Variants in NAV1 observed in about 807,000 individuals in gnomAD.
NAV1 encodes the protein pore membrane and/or filament interacting like protein 3.
In NAV1, 18 loss-of-function variants were observed where a neutral mutation model predicts 175.2. That is an observed-to-expected ratio of 0.10 (90% CI 0.07 to 0.15). NAV1 has a LOEUF of 0.15. NAV1 is among the 10% of genes least tolerant of loss of function. The pLI is 1.00. For synonymous variants in NAV1, 897 were observed against 978.7 expected (o/e 0.92, Z 1.56); for missense variants, 1,731 against 2,436.6 (o/e 0.71, Z 6.10).
chr1:201,730,395 C>T (rs77959784), intron 3 of NAV1, among the ~76,000 whole-genome samples: 1,687 of 152,294 alleles, frequency 0.011, 54 homozygotes, highest in East Asian at 0.11. Context: ...ATTCTGGGCA[C>T]GTTCCAGTGC....
intron 1 of NAV1, among the ~76,000 whole-genome samples, chr1:201,573,229 G>A (rs553797740): frequency 7.9e-5 from 12 of 152,356 alleles, no homozygotes; most frequent in African/African-American, 2.6e-4. Flanking sequence ...ATCAAGTCGA[G>A]GCAGGCCACA....
At chr1:201,611,711 C>T (rs188176440) in intron 2 of NAV1, among the ~76,000 whole-genome samples, 5 of 152,160 alleles carry the variant, frequency 3.3e-5, no homozygotes, top group South Asian at 2.1e-4. Context: ...GCCCAAGGTA[C>T]GGGTGTTGGG....
intron 2 of NAV1, among the ~76,000 whole-genome samples, chr1:201,609,039 C>T (rs1159484289): frequency 2.0e-5 from 3 of 152,194 alleles, no homozygotes; most frequent in Middle Eastern, 3.2e-3. Context: ...AATTGCTTGC[C>T]CCGCTTTTCA....
At chr1:201,689,379 A>T (rs946463055) in intron 1 of NAV1, among the ~76,000 whole-genome samples, 5 of 152,154 alleles carry the variant, frequency 3.3e-5, no homozygotes, top group African/African-American at 1.2e-4. Context: ...GGGACAGGAT[A>T]TATTCTCTCT....
intron 1 of NAV1, among the ~76,000 whole-genome samples, chr1:201,568,433 G>A (rs911093938): frequency 1.2e-4 from 19 of 152,152 alleles, no homozygotes; most frequent in Admixed American, 2.6e-4. Context: ...TTCTTGTTGG[G>A]TGCTGTATCT....
intron 3 of NAV1, among the ~76,000 whole-genome samples, chr1:201,756,846 TTCTTTC>T (rs1444887419): frequency 7.8e-6 from 1 of 129,010 alleles, no homozygotes; most frequent in African/African-American, 2.8e-5. Context: ...CTTTCTTTCT[TTCTTTC>T]TTTCTTTCTT....
chr1:201,662,159 C>T (rs1669637670), intron 1 of NAV1, among the ~76,000 whole-genome samples: 1 of 152,234 alleles, frequency 6.6e-6, no homozygotes, highest in Non-Finnish European at 1.5e-5. Context: ...CCACAGGCAT[C>T]GTAAGCCCTG....
At chr1:201,692,314 C>A (rs1670983057) in intron 1 of NAV1, among the ~76,000 whole-genome samples, 1 of 152,106 alleles carries the variant, frequency 6.6e-6, no homozygotes, top group Non-Finnish European at 1.5e-5. Context: ...GGCTTTGGGA[C>A]CTTTTTAGGA....
At chr1:201,785,698 G>A (rs1417457495) in intron 8 of NAV1, among the ~76,000 whole-genome samples, 2 of 151,646 alleles carry the variant, frequency 1.3e-5, no homozygotes, top group Non-Finnish European at 2.9e-5. Flanking sequence ...CTGCTTCTTT[G>A]GTCACTCAGC....
intron 3 of NAV1, among the ~76,000 whole-genome samples, chr1:201,736,157 C>T (rs754559623): frequency 1.3e-5 from 2 of 152,198 alleles, no homozygotes; most frequent in African/African-American, 2.4e-5. Context: ...GCTTTTCCAT[C>T]TGAGGAATGA....
intron 11 of NAV1, 88 bp from the exon 16 acceptor site, chr1:201,790,466 T>G: frequency 1.4e-6 from 2 of 1,467,946 alleles, no homozygotes; most frequent in Non-Finnish European, 1.9e-6. Flanking sequence ...TCACATTTCC[T>G]ACCCTGCCAC....
intron 11 of NAV1, 21 bp from the exon 16 acceptor site, chr1:201,790,533 C>T: frequency 6.2e-7 from 1 of 1,613,886 alleles, no homozygotes; most frequent in Non-Finnish European, 8.5e-7. Flanking sequence ...TCTTTCTCTC[C>T]TTCTGTGCTC....
intron 2 of NAV1, among the ~76,000 whole-genome samples, chr1:201,612,347 G>A (rs1026971980): frequency 6.6e-6 from 1 of 152,154 alleles, no homozygotes; most frequent in Non-Finnish European, 1.5e-5. Flanking sequence ...CCAGCTACTC[G>A]GCAGGCTGAA....
chr1:201,805,818 G>A (rs151113531), intron 17 of NAV1, among the ~76,000 whole-genome samples: 292 of 152,024 alleles, frequency 1.9e-3, no homozygotes, highest in African/African-American at 4.8e-3. Context: ...AGCTACTTGG[G>A]GGCTGAGGTG....
At chr1:201,622,748 G>C (rs545531907), upstream of NAV1, 15 of 852,630 alleles carry the variant, frequency 1.8e-5, no homozygotes, top group Non-Finnish European at 2.1e-5. Flanking sequence ...GCCCAGTCTG[G>C]GTGCTCGAGC....
chr1:201,739,969 G>T (rs1673298309), intron 3 of NAV1: 1 of 1,398,146 alleles, frequency 7.2e-7, no homozygotes, highest in East Asian at 3.0e-5. Context: ...AGGCGAGAGC[G>T]GTCCTGGGGG....
At chr1:201,775,713 G>A (rs1368656135) in intron 3 of NAV1, among the ~76,000 whole-genome samples, 1 of 152,194 alleles carries the variant, frequency 6.6e-6, no homozygotes, top group Non-Finnish European at 1.5e-5. Context: ...ATCCTTGAAA[G>A]AAAGAACAGT....
chr1:201,616,865 T>C (rs1388111866), intron 2 of NAV1, among the ~76,000 whole-genome samples: 1 of 152,156 alleles, frequency 6.6e-6, no homozygotes, highest in African/African-American at 2.4e-5. Flanking sequence ...CCCCACCAGA[T>C]TGCTAGCTCC....
chr1:201,815,544 C>G (rs566387527), intron 28 of NAV1, among the ~76,000 whole-genome samples: 6 of 152,100 alleles, frequency 3.9e-5, no homozygotes, highest in South Asian at 4.2e-4. Flanking sequence ...CTCAGAGCAG[C>G]AGAAAGTAGA....
Sources: gnomAD v4.1 joint callset for allele counts (sites outside exome capture counted in the v4.1 genomes callset) on GRCh38, gnomAD v4.1.1 for gene constraint, MANE v1.5 for transcripts, NCBI Gene and HGNC (gene_info 2026-07-23, HGNC 2026-07-21) for gene names.